The following CPVL variants were observed in gnomAD, a reference collection of about 807,000 sequenced individuals.
CPVL encodes carboxypeptidase vitellogenic like, also known as probable serine carboxypeptidase CPVL.
In CPVL, 51 loss-of-function variants were observed where a neutral mutation model predicts 63.7. The observed-to-expected ratio is 0.80, with a 90% CI of 0.64 to 1.01. The LOEUF (loss-of-function observed/expected upper bound fraction) is 1.01. Among genes scored for constraint, CPVL ranks in the 50% least tolerant of loss-of-function variants. The pLI is 0.00. For missense variants in CPVL, 530 were observed against 573.1 expected, an observed-to-expected ratio of 0.92 and a Z score of 0.77; for synonymous variants, 195 against 206.0, an observed-to-expected ratio of 0.95 and a Z score of 0.46.
At chr7:28,998,697 T>C (rs1784325482) in intron 12 of CPVL, among the ~76,000 whole-genome samples, 1 of 152,104 alleles carries the variant, frequency 6.6e-6, no homozygotes, top group South Asian at 2.1e-4. Flanking sequence ...ATCAGGAGGA[T>C]TGCTTGAGAT....
chr7:29,163,146 A>C (rs1044821611), intron 5 of CPVL, among the ~76,000 whole-genome samples: 1 of 152,154 alleles, frequency 6.6e-6, no homozygotes, highest in Non-Finnish European at 1.5e-5. Context: ...AAAAATTAAA[A>C]AAAGATACTC....
intron 11 of CPVL, among the ~76,000 whole-genome samples, chr7:29,043,152 T>C (rs1413397315): frequency 6.6e-6 from 1 of 152,088 alleles, no homozygotes; most frequent in Non-Finnish European, 1.5e-5. Context: ...CCCTGGTAGA[T>C]AGCAAAGTTA....
chr7:29,062,190 A>T (rs1407312488), intron 11 of CPVL, among the ~76,000 whole-genome samples: 1 of 152,192 alleles, frequency 6.6e-6, no homozygotes, highest in Admixed American at 6.5e-5. Flanking sequence ...AGCACTAATC[A>T]TTCATTCATT....
At chr7:29,006,435 C>T (rs2128130528) in intron 12 of CPVL, among the ~76,000 whole-genome samples, 1 of 152,244 alleles carries the variant, frequency 6.6e-6, no homozygotes, top group African/African-American at 2.4e-5. Context: ...AGCCAGATTT[C>T]AAAAATTTGC....
intron 5 of CPVL, among the ~76,000 whole-genome samples, chr7:29,173,964 G>C (rs1343483274): frequency 6.7e-6 from 1 of 150,070 alleles, no homozygotes; most frequent in Non-Finnish European, 1.5e-5. Context: ...AAAAAAAAAA[G>C]AATTTCTAAA....
chr7:29,060,098 T>C (rs1484373503), intron 11 of CPVL, among the ~76,000 whole-genome samples: 1 of 152,230 alleles, frequency 6.6e-6, no homozygotes. Context: ...GTTTCTTGTA[T>C]AACTTTTGAA....
At chr7:29,172,625 T>A (rs1796749871) in intron 5 of CPVL, among the ~76,000 whole-genome samples, 1 of 152,194 alleles carries the variant, frequency 6.6e-6, no homozygotes, top group Non-Finnish European at 1.5e-5. Flanking sequence ...CTTAGTAAAG[T>A]CCATCTTTGA....
intron 5 of CPVL, among the ~76,000 whole-genome samples, chr7:29,162,915 A>T (rs1404871298): frequency 1.3e-5 from 2 of 152,244 alleles, no homozygotes; most frequent in Non-Finnish European, 2.9e-5. Context: ...AATTCTGTAC[A>T]TGTGATAAAA....
intron 11 of CPVL, among the ~76,000 whole-genome samples, chr7:29,048,757 A>C (rs1275936624): frequency 6.6e-6 from 1 of 152,186 alleles, no homozygotes. Flanking sequence ...TTTCTCCAAG[A>C]TAGACCAAAC....
chr7:29,137,039 T>C (rs1350110710), intron 1 of CPVL, among the ~76,000 whole-genome samples: 1 of 152,204 alleles, frequency 6.6e-6, no homozygotes, highest in Non-Finnish European at 1.5e-5. Context: ...ACCTCCAAAC[T>C]AGTTTCCAAC....
intron 1 of CPVL, among the ~76,000 whole-genome samples, chr7:29,138,699 G>A (rs1791520552): frequency 6.6e-6 from 1 of 152,176 alleles, no homozygotes; most frequent in South Asian, 2.1e-4. Flanking sequence ...AGGCCACTCT[G>A]CAGCTGCAGT....
chr7:29,036,499 A>G (rs1465726557), intron 11 of CPVL, among the ~76,000 whole-genome samples: 1 of 152,220 alleles, frequency 6.6e-6, no homozygotes, highest in Non-Finnish European at 1.5e-5. Flanking sequence ...TCTTTCAGAA[A>G]AAGGCCGACT....
chr7:29,126,284 C>A lies in CPVL; in HGVS notation c.-10-5213G>T, dbSNP rs527667618. On this transcript the variant is annotated intron_variant, in intron 1 of 12. Transcript: ENST00000265394. ...TCAACTATGGTAGGAGTATTTATAC[C>A]ACAGTAACCAGCAAACACCAGAAAT... 4.6e-5 allele frequency: 7 copies of A among 152,142 alleles called. 1 individual carries two copies. In the South Asian group the frequency reaches 1.5e-3, roughly 32 times the overall value. 9.4% of individuals were successfully genotyped at this position (152,142 alleles called of 1,614,324 possible). A position where few individuals can be genotyped will look rare whatever the true frequency, so the allele number is the denominator to read the frequency against.
intron 5 of CPVL, among the ~76,000 whole-genome samples, chr7:29,156,560 A>G (rs1329884999): frequency 6.6e-6 from 1 of 152,204 alleles, no homozygotes; most frequent in Non-Finnish European, 1.5e-5. Flanking sequence ...GAGGCATCTG[A>G]AGGAACTCAG....
intron 3 of CPVL, among the ~76,000 whole-genome samples, chr7:29,105,961 G>A (rs1787678032): frequency 1.3e-5 from 2 of 152,190 alleles, no homozygotes; most frequent in South Asian, 4.1e-4. Context: ...TAGGGAGAGT[G>A]CTCACAGATG....
intron 12 of CPVL, among the ~76,000 whole-genome samples, chr7:29,024,938 G>T (rs755556951): frequency 2.6e-5 from 4 of 152,060 alleles, no homozygotes; most frequent in Non-Finnish European, 4.4e-5. Context: ...AAAGAGAAAA[G>T]ATTCAAATGT....
chr7:29,148,765 GAAGTT>G (rs1793130306), upstream of CPVL: 1 of 152,184 alleles, frequency 6.6e-6, no homozygotes, highest in Non-Finnish European at 1.5e-5. Context: ...TAGGGAACTT[GAAGTT>G]TAGTTGTGGG....
chr7:29,092,366 C>T (rs1468609747), intron 6 of CPVL, among the ~76,000 whole-genome samples: 1 of 151,930 alleles, frequency 6.6e-6, no homozygotes, highest in Non-Finnish European at 1.5e-5. Flanking sequence ...ATGTTGTCTC[C>T]CTGCAAATGC....
At chr7:29,146,798 T>C (rs1324666274), upstream of CPVL, 1 of 1,549,622 alleles carries the variant, frequency 6.5e-7, no homozygotes, top group Non-Finnish European at 8.7e-7. Context: ...TTTTAAAAGC[T>C]GCTATCTTAA....
Sources: allele counts gnomAD v4.1 joint callset (sites outside exome capture counted in the v4.1 genomes callset), GRCh38; gene constraint gnomAD v4.1.1; transcripts MANE v1.5; gene names NCBI Gene and HGNC (gene_info 2026-07-23, HGNC 2026-07-21).